Variants in NDFIP2 observed in about 807,000 individuals in gnomAD.
The protein encoded by NDFIP2 is Nedd4 family interacting protein 2.
NDFIP2 carries 19 observed loss-of-function variants against 36.0 expected under a neutral mutation model. The observed-to-expected ratio is 0.53, with a 90% CI of 0.37 to 0.77. NDFIP2 has a LOEUF of 0.77. NDFIP2 is among the 30% of genes least tolerant of loss of function. NDFIP2 has a pLI of 0.00. For missense variants in NDFIP2, 446 were observed against 435.8 expected (o/e 1.02, Z -0.21); for synonymous variants, 181 against 167.7 (o/e 1.08, Z -0.61).
intron 1 of NDFIP2, among the ~76,000 whole-genome samples, chr13:79,491,128 C>G (rs1274659837): frequency 2.0e-5 from 3 of 152,118 alleles, no homozygotes; most frequent in East Asian, 1.9e-4. Context: ...CCTTCTTTCT[C>G]CCTGAATTTA....
At chr13:79,521,244 A>C (rs1474026702) in intron 2 of NDFIP2, among the ~76,000 whole-genome samples, 1 of 152,126 alleles carries the variant, frequency 6.6e-6, no homozygotes, top group Non-Finnish European at 1.5e-5. Context: ...CTGTAGGTGA[A>C]GGGTGTACGT....
At chr13:79,543,412 G>T (rs1033513111) in intron 4 of NDFIP2, 146 bp from the exon 5 acceptor site, 38 of 996,566 alleles carry the variant, frequency 3.8e-5, no homozygotes, top group Non-Finnish European at 4.6e-5. Context: ...CAAAAAGTAG[G>T]CTATAGTCTA....
intron 3 of NDFIP2, among the ~76,000 whole-genome samples, chr13:79,534,554 G>A (rs993059195): frequency 2.6e-5 from 4 of 152,028 alleles, no homozygotes; most frequent in African/African-American, 9.7e-5. Flanking sequence ...TCTGCAGCCA[G>A]GTAAGAGGCA....
chr13:79,551,313 A>T (rs1472677937), intron 7 of NDFIP2, among the ~76,000 whole-genome samples, 191 bp downstream of exon 7: 1 of 151,540 alleles, frequency 6.6e-6, no homozygotes, highest in Non-Finnish European at 1.5e-5. Flanking sequence ...TTAGATTTTT[A>T]AAATTGAATT....
chr13:79,529,977 G>C (rs145777991), intron 2 of NDFIP2, among the ~76,000 whole-genome samples: 4 of 152,262 alleles, frequency 2.6e-5, no homozygotes, highest in Admixed American at 2.6e-4. Flanking sequence ...GTAGCATTAT[G>C]TTTAAAAAAT....
In NDFIP2 at chr13:79,481,223, A is replaced by G; in HGVS notation, c.20A>G (p.Gln7Arg). 1 of 1,518,952 alleles carries G rather than the reference A, an allele frequency of 6.6e-7. No individual in the cohort carries two copies. Among genetic ancestry groups the G allele is most frequent in the South Asian group, 1.2e-5 (1 of 82,142 alleles). The allele number at this position is 1,518,952 out of a possible 1,614,324, so 94.1% of individuals were successfully genotyped here. A position where few individuals can be genotyped will look rare whatever the true frequency, so the allele number is the denominator to read the frequency against. Residue 7 changes from glutamine (Q) to arginine (R), a missense_variant, in exon 1 of 8, where the codon CAG becomes CGG. This residue lies in a region of NDFIP2 where 369 missense variants were observed against 304.8 expected (regional missense o/e 1.21). Coordinates refer to ENST00000218652, the MANE Select transcript of NDFIP2 (RefSeq NM_019080.3). Reference sequence around the variant, plus strand: ...GCGCGGATGGCACGCCGGCGGAGCCAGCGAGTCTGCGCGAGCGGTCCGAGC... The same window carrying G: ...GCGCGGATGGCACGCCGGCGGAGCCGGCGAGTCTGCGCGAGCGGTCCGAGC... MARRRS[Q>R]RVCASGPSML... is the part of the protein sequence containing the mutation.
intron 1 of NDFIP2, among the ~76,000 whole-genome samples, chr13:79,501,636 CTT>C (rs1873672484): frequency 6.6e-6 from 1 of 152,076 alleles, no homozygotes; most frequent in African/African-American, 2.4e-5. Context: ...TAGCGGCCAA[CTT>C]TAGAGTTTTT....
intron 1 of NDFIP2, among the ~76,000 whole-genome samples, chr13:79,519,408 C>T (rs572227047): frequency 1.3e-4 from 20 of 152,082 alleles, no homozygotes; most frequent in Non-Finnish European, 1.9e-4. Flanking sequence ...CGTATTGATG[C>T]CTTTGACTCA....
intron 1 of NDFIP2, among the ~76,000 whole-genome samples, chr13:79,508,431 C>T (rs1333995632): frequency 6.6e-6 from 1 of 152,192 alleles, no homozygotes; most frequent in Non-Finnish European, 1.5e-5. Flanking sequence ...GAATAGCCCT[C>T]AGGGCTGCTG....
At chr13:79,484,084 C>T (rs188252783) in intron 1 of NDFIP2, among the ~76,000 whole-genome samples, 120 of 152,072 alleles carry the variant, frequency 7.9e-4, no homozygotes, top group Non-Finnish European at 1.5e-3. Context: ...GGCGTGATCT[C>T]GGCTCACTGC....
chr13:79,517,402 G>C (rs1171453079), intron 1 of NDFIP2, among the ~76,000 whole-genome samples: 2 of 150,372 alleles, frequency 1.3e-5, no homozygotes, highest in African/African-American at 5.0e-5. Flanking sequence ...ACATGATTAA[G>C]AAAAATTATT....
At chr13:79,543,058 G>C (rs1262697750) in intron 4 of NDFIP2, among the ~76,000 whole-genome samples, 1 of 152,004 alleles carries the variant, frequency 6.6e-6, no homozygotes, top group Non-Finnish European at 1.5e-5. Flanking sequence ...TATATTTTTA[G>C]TAGAGACAGG....
At chr13:79,539,582 C>A in intron 3 of NDFIP2, 100 bp from the exon 4 acceptor site, 1 of 911,268 alleles carries the variant, frequency 1.1e-6, no homozygotes, top group Non-Finnish European at 1.7e-6. Context: ...GTCTATACAA[C>A]AAATTGAGAA....
chr13:79,492,273 T>C (rs1479665029), intron 1 of NDFIP2, among the ~76,000 whole-genome samples: 1 of 151,958 alleles, frequency 6.6e-6, no homozygotes, highest in Non-Finnish European at 1.5e-5. Context: ...TTTTTTTCCT[T>C]TCTTTATAAG....
At chr13:79,525,025 G>A (rs185609969) in intron 2 of NDFIP2, among the ~76,000 whole-genome samples, 169 of 152,250 alleles carry the variant, frequency 1.1e-3, no homozygotes, top group African/African-American at 3.6e-3. Context: ...CAACTCTGCC[G>A]GAAATGTGAC....
At chr13:79,501,806 T>G (rs577960500) in intron 1 of NDFIP2, among the ~76,000 whole-genome samples, 10 of 152,218 alleles carry the variant, frequency 6.6e-5, no homozygotes, top group Non-Finnish European at 1.3e-4. Flanking sequence ...TGTTGTTAGC[T>G]TCTCTGAGTT....
Position 79,481,275 on chromosome 13 carries a change from G to A in NDFIP2, c.72G>A (p.Pro24=), listed in dbSNP as rs1218674292. ...TGCTCAATAGCGCGCGCGGCGCCCC[G>A]GAGCTTCTCCGCGGAACCGCGACCA... The part of the protein sequence containing the change: ...PSMLNSARGA[P]ELLRGTATNA... Residue 24 remains proline (P), a synonymous_variant, in exon 1 of 8, where the codon CCG becomes CCA. Coordinates refer to ENST00000218652, the MANE Select transcript of NDFIP2 (RefSeq NM_019080.3). 2.0e-6 allele frequency: 3 copies of A among 1,537,526 alleles called. No individual in the cohort carries two copies. The highest frequency in any genetic ancestry group is 2.0e-5 in the Admixed American group (1 of 50,978).
At chr13:79,533,768 G>A (rs1875113057) in intron 3 of NDFIP2, among the ~76,000 whole-genome samples, 1 of 150,580 alleles carries the variant, frequency 6.6e-6, no homozygotes, top group African/African-American at 2.5e-5. Context: ...ATGTATTATC[G>A]ACTGTTTATG....
chr13:79,526,108 T>TCAC (rs1283637926), intron 2 of NDFIP2, among the ~76,000 whole-genome samples: 1 of 152,164 alleles, frequency 6.6e-6, no homozygotes, highest in East Asian at 1.9e-4. Context: ...ACTAAGGTGC[T>TCAC]GGTGGTGAAG....
Sources: gnomAD v4.1 joint callset for allele counts (sites outside exome capture counted in the v4.1 genomes callset) on GRCh38, gnomAD v4.1.1 for gene constraint, gnomAD v4.1.1 regional missense constraint, MANE v1.5 for transcripts, NCBI Gene and HGNC (gene_info 2026-07-23, HGNC 2026-07-21) for gene names.